The following IMMP2L variants were observed in gnomAD, a reference collection of about 807,000 sequenced individuals.
The protein encoded by IMMP2L is inner mitochondrial membrane peptidase subunit 2.
Under a neutral mutation model 19.3 loss-of-function variants are expected in IMMP2L, and 18 were observed. The observed-to-expected ratio is 0.93, with a 90% CI of 0.64 to 1.38. IMMP2L has a LOEUF of 1.38. Among genes scored for constraint, IMMP2L ranks in the 40% most tolerant of loss-of-function variants. The pLI is 0.00. For synonymous variants in IMMP2L, 76 were observed against 73.0 expected (o/e 1.04, Z -0.21); for missense variants, 233 against 218.2 (o/e 1.07, Z -0.43).
chr7:110,831,501 A>C lies in IMMP2L; in HGVS notation c.408+55092T>G, dbSNP rs73716459. 3.4e-3 allele frequency among the ~76,000 whole-genome samples: 520 copies of C among 152,308 alleles called. 3 individuals are homozygous for C. The highest frequency in any genetic ancestry group is 0.012 in the African/African-American group (491 of 41,576). On this transcript the variant is annotated intron_variant, in intron 5 of 5. Transcript: ENST00000405709. ...ATTCTTTCTACCATATGGTAATAAC[A>C]AATTATTGGCCTTTCAAACGTATCT...
chr7:111,393,529 G>A (rs1832588967), intron 3 of IMMP2L, among the ~76,000 whole-genome samples: 1 of 152,088 alleles, frequency 6.6e-6, no homozygotes, highest in Non-Finnish European at 1.5e-5. Flanking sequence ...GGGAATATCT[G>A]CAGTCTGTAA....
chr7:111,014,230 C>G (rs148587828), intron 3 of IMMP2L, among the ~76,000 whole-genome samples: 2,330 of 152,100 alleles, frequency 0.015, 65 homozygotes, highest in African/African-American at 0.054. Context: ...TGGCGCATGC[C>G]TGTAATCACA....
At chr7:110,683,510 C>G (rs1389110739) in intron 5 of IMMP2L, among the ~76,000 whole-genome samples, 1 of 152,028 alleles carries the variant, frequency 6.6e-6, no homozygotes, top group African/African-American at 2.4e-5. Context: ...TATGATCTAT[C>G]TGTTCACTTT....
intron 4 of IMMP2L, among the ~76,000 whole-genome samples, chr7:110,900,760 T>C (rs1177663427): frequency 6.6e-6 from 1 of 152,292 alleles, no homozygotes; most frequent in African/African-American, 2.4e-5. Context: ...GCTGGTAGCA[T>C]CCATTTTGCT....
chr7:111,407,277 A>C (rs1232376561), intron 3 of IMMP2L, among the ~76,000 whole-genome samples: 2 of 152,072 alleles, frequency 1.3e-5, no homozygotes, highest in Non-Finnish European at 2.9e-5. Flanking sequence ...AAACATAAAT[A>C]TATCACACAA....
intron 3 of IMMP2L, among the ~76,000 whole-genome samples, chr7:111,189,122 A>C (rs1276520224): frequency 6.6e-6 from 1 of 152,164 alleles, no homozygotes; most frequent in East Asian, 1.9e-4. Context: ...TGCCACTCAG[A>C]AGAAATAAGA....
intron 3 of IMMP2L, among the ~76,000 whole-genome samples, chr7:111,453,979 A>C (rs1453373588): frequency 6.6e-6 from 1 of 152,208 alleles, no homozygotes; most frequent in African/African-American, 2.4e-5. Context: ...TACCTCACCC[A>C]GCTGATACAC....
chr7:111,123,947 A>G lies in IMMP2L; in HGVS notation c.240-160382T>C. ...ACCAACATTCGATTCATGGAGCCAG[A>G]TTCACTGTTTTGCGTGGACCCACCT... On this transcript the variant is annotated intron_variant, in intron 3 of 5. Transcript: ENST00000405709. The surrounding 1 kb of genome is among the most constrained non-coding windows in gnomAD (Gnocchi z 6.4). 1 of 1,614,038 alleles carries G rather than the reference A, an allele frequency of 6.2e-7. No individual in the cohort carries two copies.
chr7:111,305,441 G>A (rs942796374), intron 3 of IMMP2L, among the ~76,000 whole-genome samples: 2 of 151,964 alleles, frequency 1.3e-5, no homozygotes, highest in African/African-American at 4.8e-5. Flanking sequence ...TGATTCTCCC[G>A]CCTCAGCCTC....
At chr7:111,445,767 G>A (rs900711283) in intron 3 of IMMP2L, among the ~76,000 whole-genome samples, 1 of 152,148 alleles carries the variant, frequency 6.6e-6, no homozygotes, top group Non-Finnish European at 1.5e-5. Flanking sequence ...GCAGAAGACG[G>A]GTGATTTCTG....
intron 3 of IMMP2L, among the ~76,000 whole-genome samples, chr7:111,284,072 A>G (rs1413812209): frequency 6.6e-6 from 1 of 151,908 alleles, no homozygotes; most frequent in Non-Finnish European, 1.5e-5. Context: ...TCCTCAGTAT[A>G]TATAACAAAA....
chr7:110,998,999 G>A (rs1376254973), intron 3 of IMMP2L, among the ~76,000 whole-genome samples: 2 of 152,080 alleles, frequency 1.3e-5, no homozygotes, highest in East Asian at 1.9e-4. Context: ...TTTTGGAGGT[G>A]CATATACCAT....
rs1796045350 is a variant in IMMP2L, at chr7:110,728,461, T to C, written c.409-64740A>G. Among the ~76,000 whole-genome samples, 2 of 152,094 alleles carry C rather than the reference T, an allele frequency of 1.3e-5. No homozygotes were observed. Among genetic ancestry groups the C allele is most frequent in the African/African-American group, 4.8e-5 (2 of 41,406 alleles). ...TTGCAGTGAGCCATTATCACATCACTGTACTCCAGCCTGGGCAACAGAGTG... is the reference window on the plus strand; with the variant it reads ...TTGCAGTGAGCCATTATCACATCACCGTACTCCAGCCTGGGCAACAGAGTG... On this transcript the variant is annotated intron_variant, in intron 5 of 5. Coordinates refer to ENST00000405709, the MANE Select transcript of IMMP2L (RefSeq NM_032549.4). This position sits in a 1 kb window ranked among gnomAD's most constrained non-coding sequence, Gnocchi z 4.6.
At chr7:111,182,131 C>G (rs2129611225) in intron 3 of IMMP2L, among the ~76,000 whole-genome samples, 1 of 152,104 alleles carries the variant, frequency 6.6e-6, no homozygotes, top group East Asian at 1.9e-4. Context: ...GACTCTTACT[C>G]TTTTTCTTCC....
At chr7:111,231,712 A>G (rs1319948640) in intron 3 of IMMP2L, among the ~76,000 whole-genome samples, 2 of 152,050 alleles carry the variant, frequency 1.3e-5, no homozygotes, top group Non-Finnish European at 2.9e-5. Context: ...AAAGTGAATG[A>G]ATAAATGATG....
At chr7:111,338,431 C>A (rs1261188428) in intron 3 of IMMP2L, among the ~76,000 whole-genome samples, 1 of 151,552 alleles carries the variant, frequency 6.6e-6, no homozygotes, top group Non-Finnish European at 1.5e-5. Context: ...ATTGTTATTG[C>A]ATAAATGGGG....
At chr7:111,479,544 CCTAAA>C (rs1842002693) in intron 3 of IMMP2L, among the ~76,000 whole-genome samples, 1 of 151,980 alleles carries the variant, frequency 6.6e-6, no homozygotes, top group African/African-American at 2.4e-5. Flanking sequence ...CTGCTTGAAA[CCTAAA>C]CTGTTCACTA....
In IMMP2L at chr7:110,790,197, GA is replaced by G. The variant is rs565614438; in HGVS notation, c.408+96395del. Among the ~76,000 whole-genome samples the G allele has an allele frequency of 1.2e-4, 18 of 151,700 alleles. 2 individuals are homozygous for G. The highest frequency in any genetic ancestry group is 4.4e-4 in the African/African-American group (18 of 41,148). On this transcript the variant is annotated intron_variant, in intron 5 of 5. Coordinates refer to ENST00000405709, the MANE Select transcript of IMMP2L (RefSeq NM_032549.4). ...AGAACAAGTAGAAAGGGCTGAAACA[GA>G]AACCAGCCTGACTTGCTTGAGAAAC...
intron 3 of IMMP2L, among the ~76,000 whole-genome samples, chr7:111,250,946 C>G (rs1331989165): frequency 6.6e-6 from 1 of 152,106 alleles, no homozygotes; most frequent in Admixed American, 6.5e-5. Flanking sequence ...GCAAAAGAAA[C>G]TATTATCAGA....
Sources: gnomAD v4.1 joint callset for allele counts (sites outside exome capture counted in the v4.1 genomes callset) on GRCh38, gnomAD v4.1.1 for gene constraint, Gnocchi (gnomAD v3.1) non-coding constraint, MANE v1.5 for transcripts, NCBI Gene and HGNC (gene_info 2026-07-23, HGNC 2026-07-21) for gene names.